Variants in BEND3 observed in about 807,000 individuals in gnomAD.
The protein encoded by BEND3 is BEN domain-containing protein 3.
Under a neutral mutation model 60.1 loss-of-function variants are expected in BEND3, and 13 were observed. The observed-to-expected ratio is 0.22, with a 90% confidence interval of 0.14 to 0.34. BEND3 has a LOEUF of 0.34. Among genes scored for constraint, BEND3 ranks in the 10% least tolerant of loss-of-function variants. The pLI is 1.00. For synonymous variants in BEND3, 497 were observed against 491.5 expected, an observed-to-expected ratio of 1.01 and a Z score of -0.15; for missense variants, 896 against 1,138.1, an observed-to-expected ratio of 0.79 and a Z score of 3.06.
At chr6:107,109,248 A>C (rs1775887241) in intron 1 of BEND3, among the ~76,000 whole-genome samples, 8 of 151,118 alleles carry the variant, frequency 5.3e-5, no homozygotes, top group Admixed American at 5.3e-4. Flanking sequence ...TTGAGAGACC[A>C]GCCTGGCCAA....
In BEND3 at chr6:107,069,415, GC is replaced by G. The variant is rs782801460; in HGVS notation, c.1775del (p.Arg592ProfsTer79). On this transcript the variant is annotated frameshift_variant, in exon 4 of 4. Transcript: ENST00000369042. LOFTEE classifies it high-confidence loss of function. ...GGGAGCCGCTGCAGTTGTACTGCTT[GC>G]GCAGGTTCTCGTGCGTGAAGAGCTC... ...FPELFTHENL[R>X]KQYNCSGSLG... The G allele has an allele frequency of 6.2e-7, 1 of 1,612,666 alleles. No homozygotes were observed.
At chr6:107,109,686 A>G (rs1775900550) in intron 1 of BEND3, among the ~76,000 whole-genome samples, 1 of 151,980 alleles carries the variant, frequency 6.6e-6, no homozygotes, top group Non-Finnish European at 1.5e-5. Context: ...CCAGCCTGGC[A>G]AACATGGAGA....
chr6:107,094,788 G>C (rs2115022782), intron 3 of BEND3, among the ~76,000 whole-genome samples: 1 of 148,482 alleles, frequency 6.7e-6, no homozygotes, highest in East Asian at 2.0e-4. Flanking sequence ...CCAGGAGTTT[G>C]AGATTACAGT....
Position 107,069,941 on chromosome 6 carries a change from C to T in BEND3, c.1250G>A (p.Arg417Gln), listed in dbSNP as rs1554231643. 1.2e-6 allele frequency: 2 copies of T among 1,612,158 alleles called. No homozygotes were observed. The highest frequency in any genetic ancestry group is 1.3e-5 in the African/African-American group (1 of 74,380). ...GTGGTCGAAGAGCTCGGGGAAGAGC[C>T]GGTGGAGGAGGAAGACGGCAAACTC... ...PGEFAVFLLH[R>Q]LFPELFDHRK... The change falls in exon 4 of 4, where the codon CGG becomes CAG. Residue 417 changes from arginine (R) to glutamine (Q), a missense_variant. This residue lies in a region of BEND3 where 846 missense variants were observed against 1,036.7 expected (regional missense o/e 0.82). Coordinates refer to ENST00000369042, the MANE Select transcript of BEND3 (RefSeq NM_001367314.1).
chr6:107,083,695 A>C (rs1419883851), intron 3 of BEND3, among the ~76,000 whole-genome samples: 1 of 152,122 alleles, frequency 6.6e-6, no homozygotes, highest in Non-Finnish European at 1.5e-5. Context: ...TTTTTTCTGG[A>C]CATTACAGAT....
chr6:107,077,394 G>A (rs1415749595), intron 3 of BEND3, among the ~76,000 whole-genome samples: 2 of 152,068 alleles, frequency 1.3e-5, no homozygotes, highest in Non-Finnish European at 2.9e-5. Context: ...ACCTGAGCCG[G>A]TTCACCCCTC....
intron 1 of BEND3, among the ~76,000 whole-genome samples, chr6:107,113,374 G>A (rs1554238771): frequency 6.9e-6 from 1 of 145,254 alleles, no homozygotes; most frequent in African/African-American, 2.5e-5. Context: ...GGAGGCAGAC[G>A]TTGCAGTGAG....
chr6:107,103,057 T>C (rs868924613), intron 1 of BEND3, among the ~76,000 whole-genome samples: 5 of 152,140 alleles, frequency 3.3e-5, no homozygotes, highest in African/African-American at 1.2e-4. Context: ...AGTCCCTCTG[T>C]CCAACAGCAC....
chr6:107,076,793 T>G (rs1402317343), intron 3 of BEND3, among the ~76,000 whole-genome samples: 4 of 152,142 alleles, frequency 2.6e-5, no homozygotes, highest in Non-Finnish European at 5.9e-5. Flanking sequence ...TGAATGATGC[T>G]TATACCACTT....
In BEND3 at chr6:107,065,676, A is replaced by C. The variant is rs1381991545; in HGVS notation, c.*3028T>G. The stretch of plus-strand genomic sequence containing the variant: ...ACGGAGGCCATCTCTAAATGAACCC[A>C]GTGGTCATGCTGTGGTGTGGTCAGA... On this transcript the variant is annotated 3_prime_UTR_variant, in exon 4 of 4. Transcript: ENST00000369042. The C allele has an allele frequency of 6.6e-6, 1 of 152,210 alleles. No homozygotes were observed. Among genetic ancestry groups the C allele is most frequent in the Non-Finnish European group, 1.5e-5 (1 of 68,040 alleles). The allele number at this position is 152,210 out of a possible 1,614,324, so 9.4% of individuals were successfully genotyped here.
At chr6:107,112,644 G>C (rs373853505) in intron 1 of BEND3, among the ~76,000 whole-genome samples, 2 of 151,960 alleles carry the variant, frequency 1.3e-5, no homozygotes, top group Non-Finnish European at 2.9e-5. Context: ...ACCTGAGGTC[G>C]GGAGTTCGAG....
chr6:107,100,586 G>A (rs1775683431), intron 1 of BEND3, among the ~76,000 whole-genome samples: 1 of 152,070 alleles, frequency 6.6e-6, no homozygotes, highest in Non-Finnish European at 1.5e-5. Context: ...TTAGAAAGGT[G>A]GGCAGTGCTC....
intron 3 of BEND3, among the ~76,000 whole-genome samples, chr6:107,077,410 G>A (rs1175230651): frequency 6.6e-6 from 1 of 151,978 alleles, no homozygotes; most frequent in Non-Finnish European, 1.5e-5. Flanking sequence ...CCCTCCTTAG[G>A]CAACCCAGTG....
At chr6:107,089,307 ATTT>A (rs1463292410) in intron 3 of BEND3, among the ~76,000 whole-genome samples, 1 of 151,918 alleles carries the variant, frequency 6.6e-6, no homozygotes, top group African/African-American at 2.4e-5. Context: ...TAAAGATTTT[ATTT>A]TTTTTCTCAC....
intron 3 of BEND3, among the ~76,000 whole-genome samples, chr6:107,078,140 G>A (rs1158375720): frequency 6.6e-6 from 1 of 152,160 alleles, no homozygotes; most frequent in African/African-American, 2.4e-5. Context: ...GACTTTTTGA[G>A]GGAGGTTTTT....
intron 1 of BEND3, among the ~76,000 whole-genome samples, chr6:107,102,728 C>T (rs905795930): frequency 1.3e-5 from 2 of 152,232 alleles, no homozygotes; most frequent in Non-Finnish European, 2.9e-5. Flanking sequence ...GGAAACCTCG[C>T]GCCTGCCCCT....
rs782329925 is a variant in BEND3 at position 107,098,636 on chromosome 6, T to A, written c.155A>T (p.Gln52Leu). 5 of 1,614,004 alleles carry A rather than the reference T, an allele frequency of 3.1e-6. No individual in the cohort carries two copies. Among genetic ancestry groups the A allele is most frequent in the Non-Finnish European group, 3.4e-6 (4 of 1,180,036 alleles). ...CAGCTGCTTTCGTTTGCTGGAGTCC[T>A]GCAGGGCAGTGAGGACGCTGTCCAC... The part of the protein sequence containing the change: ...HSVDSVLTAL[Q>L]DSSKRKQLVS... Residue 52 changes from glutamine to leucine, a missense_variant, in exon 3 of 4, where the codon CAG becomes CTG. Gln to Leu is a moderately radical substitution (Grantham distance 113). Coordinates refer to ENST00000369042, the MANE Select transcript of BEND3 (RefSeq NM_001367314.1).
In BEND3 at chr6:107,070,208, C is replaced by G. The variant is rs1554231738; in HGVS notation, c.983G>C (p.Cys328Ser). The G allele has an allele frequency of 6.2e-7, 1 of 1,612,650 alleles. No individual in the cohort carries two copies. Among genetic ancestry groups the G allele is most frequent in the South Asian group, 1.1e-5 (1 of 91,072 alleles). ...VKDTAVWQAE[C>S]LPQLNDFFSR... ...GAAGAAGTCGTTCAGCTGGGGCAGGCACTCGGCCTGCCACACAGCCGTGTC... is the reference window on the plus strand; with the variant it reads ...GAAGAAGTCGTTCAGCTGGGGCAGGGACTCGGCCTGCCACACAGCCGTGTC... The change falls in exon 4 of 4, where the codon TGC (cysteine) becomes TCC (serine). Residue 328 changes from cysteine to serine, a missense_variant. This residue lies in a region of BEND3 where 846 missense variants were observed against 1,036.7 expected (regional missense o/e 0.82). Coordinates refer to ENST00000369042, the MANE Select transcript of BEND3 (RefSeq NM_001367314.1). This position sits in a 1 kb window ranked among gnomAD's most constrained non-coding sequence, Gnocchi z 6.9.
At chr6:107,072,744 G>A (rs1775009496) in intron 3 of BEND3, among the ~76,000 whole-genome samples, 1 of 152,152 alleles carries the variant, frequency 6.6e-6, no homozygotes, top group Non-Finnish European at 1.5e-5. Flanking sequence ...CAGCACTTTG[G>A]GAGGCCAAGA....
Sources: allele counts gnomAD v4.1 joint callset (sites outside exome capture counted in the v4.1 genomes callset), GRCh38; gene constraint gnomAD v4.1.1; regional missense constraint gnomAD v4.1.1; non-coding constraint Gnocchi (gnomAD v3.1); transcripts MANE v1.5; gene names NCBI Gene and HGNC (gene_info 2026-07-23, HGNC 2026-07-21).